OTUD7B: variants seen among roughly 807,000 people sequenced by gnomAD.
OTUD7B encodes the protein OTU deubiquitinase 7B, also known as OTU domain-containing protein 7B.
OTUD7B carries 34 observed loss-of-function variants against 82.2 expected under a neutral mutation model. That is an observed-to-expected ratio of 0.41 (90% CI 0.31 to 0.55). OTUD7B has a LOEUF of 0.55. Among genes scored for constraint, OTUD7B ranks in the 20% least tolerant of loss-of-function variants. The pLI, the probability that OTUD7B is intolerant of heterozygous loss-of-function variation, is 0.20. For missense variants in OTUD7B, 944 were observed against 1,062.1 expected, an observed-to-expected ratio of 0.89 and a Z score of 1.55; for synonymous variants, 398 against 402.7, an observed-to-expected ratio of 0.99 and a Z score of 0.14.
chr1:150,021,162 T>G, the OTUD7B span, among the ~76,000 whole-genome samples: 1 of 152,272 alleles, frequency 6.6e-6, no homozygotes, highest in African/African-American at 2.4e-5. Flanking sequence ...CAATTGTTTT[T>G]AAAATGAGTC....
At chr1:150,038,260 T>TC in the OTUD7B span, among the ~76,000 whole-genome samples, 4 of 152,164 alleles carry the variant, frequency 2.6e-5, no homozygotes, top group African/African-American at 9.7e-5. Flanking sequence ...AGATTTCTTT[T>TC]CCATACCCTT....
intron 7 of OTUD7B, among the ~76,000 whole-genome samples, chr1:149,956,314 G>A (rs12141673): frequency 6.6e-6 from 1 of 152,150 alleles, no homozygotes. Flanking sequence ...GGCTGGATAC[G>A]AAATTCTGGG....
chr1:150,016,098 C>A, the OTUD7B span, among the ~76,000 whole-genome samples: 1 of 152,166 alleles, frequency 6.6e-6, no homozygotes, highest in South Asian at 2.1e-4. Flanking sequence ...GCTGAATTAA[C>A]CTATCCCAGA....
the OTUD7B span, among the ~76,000 whole-genome samples, chr1:150,041,465 T>A: frequency 6.6e-6 from 1 of 152,320 alleles, no homozygotes; most frequent in South Asian, 2.1e-4. Context: ...CCAGAGTAGC[T>A]GGGATTACAG....
the OTUD7B span, among the ~76,000 whole-genome samples, chr1:150,017,685 C>T: frequency 6.6e-6 from 1 of 152,214 alleles, no homozygotes; most frequent in East Asian, 1.9e-4. Context: ...GGAGGCCAAA[C>T]TCAGGCTACT....
the OTUD7B span, among the ~76,000 whole-genome samples, chr1:150,027,100 A>ATTGTG: frequency 1.3e-5 from 2 of 152,072 alleles, no homozygotes; most frequent in Non-Finnish European, 2.9e-5. Flanking sequence ...ATTGTATTGT[A>ATTGTG]CTGTGTTGTG....
At chr1:149,979,228 AAACC>A (rs1451589029) in intron 1 of OTUD7B, among the ~76,000 whole-genome samples, 1 of 152,166 alleles carries the variant, frequency 6.6e-6, no homozygotes, top group African/African-American at 2.4e-5. Context: ...AGCTACCAAC[AAACC>A]AACCAATTTG....
At chr1:149,993,505 G>A (rs1245012778) in intron 1 of OTUD7B, among the ~76,000 whole-genome samples, 1 of 152,108 alleles carries the variant, frequency 6.6e-6, no homozygotes, top group East Asian at 1.9e-4. Flanking sequence ...CCAGACCAGA[G>A]ACAGAAAAAG....
the OTUD7B span, among the ~76,000 whole-genome samples, chr1:150,051,693 A>T: frequency 2.0e-5 from 3 of 152,144 alleles, no homozygotes; most frequent in African/African-American, 7.2e-5. Context: ...GTTAATTCAG[A>T]TATCTGTAAA....
intron 6 of OTUD7B, among the ~76,000 whole-genome samples, chr1:149,960,195 G>A (rs944104201): frequency 1.3e-5 from 2 of 151,694 alleles, no homozygotes; most frequent in South Asian, 2.1e-4. Context: ...TGCCATTAGC[G>A]TCCATAAAAT....
chr1:149,945,772 T>C (rs1274359324), intron 11 of OTUD7B, among the ~76,000 whole-genome samples: 1 of 152,088 alleles, frequency 6.6e-6, no homozygotes, highest in Non-Finnish European at 1.5e-5. Context: ...TCTTAAAGAA[T>C]ATGTTAAGCC....
chr1:150,061,349 A>G, the OTUD7B span, among the ~76,000 whole-genome samples: 11 of 152,360 alleles, frequency 7.2e-5, no homozygotes, highest in African/African-American at 2.4e-4. Flanking sequence ...AGAGTCAACC[A>G]TATGGATGCC....
intron 10 of OTUD7B, among the ~76,000 whole-genome samples, chr1:149,948,231 G>A (rs978443570): frequency 1.3e-5 from 2 of 151,526 alleles, no homozygotes; most frequent in Admixed American, 6.6e-5. Flanking sequence ...TGCCTGCCTC[G>A]GTTGCCTGTT....
the OTUD7B span, chr1:150,054,635 C>T: frequency 2.9e-5 from 10 of 350,026 alleles, no homozygotes; most frequent in Non-Finnish European, 5.0e-5. Flanking sequence ...TGGTGAAATC[C>T]TGTCTCTACT....
At chr1:149,998,484 C>T (rs587713402) in intron 1 of OTUD7B, among the ~76,000 whole-genome samples, 1 of 152,292 alleles carries the variant, frequency 6.6e-6, no homozygotes, top group African/African-American at 2.4e-5. Flanking sequence ...TTCCTGCCCC[C>T]AAAACAAGGT....
the OTUD7B span, among the ~76,000 whole-genome samples, chr1:150,043,929 G>A: frequency 6.6e-6 from 1 of 151,970 alleles, no homozygotes. Flanking sequence ...GACCAGCCTA[G>A]GCAACATAGA....
chr1:150,004,610 TTA>T (rs1336839022), intron 1 of OTUD7B, among the ~76,000 whole-genome samples: 10 of 149,906 alleles, frequency 6.7e-5, no homozygotes, highest in Non-Finnish European at 7.4e-5. Flanking sequence ...TAAATAAATT[TTA>T]TATATATATA....
intron 1 of OTUD7B, among the ~76,000 whole-genome samples, chr1:149,978,455 G>A (rs1650480955): frequency 2.0e-5 from 3 of 150,122 alleles, no homozygotes; most frequent in South Asian, 2.1e-4. Flanking sequence ...GTTGCAGTGA[G>A]CCGAGATCAC....
chr1:150,064,324 CCTTTCTTTCTTTCT>C, the OTUD7B span, among the ~76,000 whole-genome samples: 1 of 151,916 alleles, frequency 6.6e-6, no homozygotes, highest in Non-Finnish European at 1.5e-5. Context: ...CACAAGTAAT[CCTTTCTTTCTTTCT>C]CTTTCTTTCT....
Sources: gnomAD v4.1 joint callset for allele counts (sites outside exome capture counted in the v4.1 genomes callset) on GRCh38, gnomAD v4.1.1 for gene constraint, MANE v1.5 for transcripts, NCBI Gene and HGNC (gene_info 2026-07-23, HGNC 2026-07-21) for gene names.